PPP1R16A: variants seen among roughly 807,000 people sequenced by gnomAD.
PPP1R16A encodes protein phosphatase 1 regulatory subunit 16A.
A neutral mutation model predicts 46.6 loss-of-function variants in PPP1R16A; 39 were observed. The observed-to-expected ratio is 0.84, with a 90% CI of 0.65 to 1.09. The LOEUF is 1.09. Among genes scored for constraint, PPP1R16A ranks in the 50% least tolerant of loss-of-function variants. The pLI, the probability that PPP1R16A is intolerant of heterozygous loss-of-function variation, is 0.00. For synonymous variants in PPP1R16A, 413 were observed against 321.5 expected, an observed-to-expected ratio of 1.28 and a Z score of -3.04; for missense variants, 798 against 735.6, an observed-to-expected ratio of 1.08 and a Z score of -0.98.
At position 144,500,667 on chromosome 8, in the gene PPP1R16A, T is replaced by TCCGG. The variant is rs529361468; in HGVS notation, c.832-16_832-13dup. The TCCGG allele has an allele frequency of 2.0e-3, 3,266 of 1,608,464 alleles. 61 individuals carry two copies. In the African/African-American group the frequency reaches 0.04, roughly 20 times the overall value. Reference sequence around the variant, plus strand: ...GGCTTCCAGCGCAGCAGTCTGCAGCTCCGGCCTGCCGTCCACAGGTGCCCC... The same window carrying TCCGG: ...GGCTTCCAGCGCAGCAGTCTGCAGCTCCGGCCGGCCTGCCGTCCACAGGTGCCCC... On this transcript the variant is annotated intron_variant, in intron 8 of 11. Transcript: ENST00000435887.
At chr8:144,500,455 G>A (rs1371927401) in intron 7 of PPP1R16A, 32 bp from the exon 8 acceptor site, 2 of 1,551,320 alleles carry the variant, frequency 1.3e-6, no homozygotes, top group Non-Finnish European at 1.7e-6. Context: ...GTGGGGGATG[G>A]GGCCGAATTC....
intron 1 of PPP1R16A, among the ~76,000 whole-genome samples, chr8:144,483,551 A>G (rs1415560822): frequency 6.6e-6 from 1 of 152,118 alleles, no homozygotes; most frequent in Non-Finnish European, 1.5e-5. Context: ...CTGAGACTAC[A>G]GGTGCATGCC....
rs1467344052 is a variant in PPP1R16A, at chr8:144,501,671, C to G, written c.1355C>G (p.Ala452Gly). Residue 452 changes from alanine to glycine, a missense_variant, in exon 12 of 12, where the codon GCC (alanine) becomes GGC (glycine). Coordinates refer to ENST00000435887, the MANE Select transcript of PPP1R16A (RefSeq NM_001329443.2). ...TTPHTLVHDK[A>G]HHTLADLKRQ... The stretch of plus-strand genomic sequence containing the variant: ...CCCCACACCCTGGTCCACGACAAGG[C>G]CCACCACACCCTGGCTGACCTGAAG... 2 of 1,609,396 alleles carry G rather than the reference C, an allele frequency of 1.2e-6. No individual in the cohort carries two copies. Among genetic ancestry groups the G allele is most frequent in the Non-Finnish European group, 1.7e-6 (2 of 1,178,538 alleles).
chr8:144,501,731 C>T lies in PPP1R16A; in HGVS notation c.1415C>T (p.Pro472Leu), dbSNP rs779423053. The T allele has an allele frequency of 1.1e-5, 18 of 1,585,376 alleles. No individual in the cohort carries two copies. In the Admixed American group the frequency reaches 1.2e-4, roughly 11 times the overall value. The stretch of plus-strand genomic sequence containing the variant: ...GCTGCTGCCAAGCTGCAGCGACCCC[C>T]ACCTGAGGGGCCCGAGAGCCCTGAG... ...QRAAAKLQRPPPEGPESPETA... is the reference protein window; with the variant it reads ...QRAAAKLQRPLPEGPESPETA... Residue 472 changes from proline to leucine, a missense_variant, in exon 12 of 12, where the codon CCA becomes CTA. Transcript: ENST00000435887.
chr8:144,499,167 G>C (rs1392978901), intron 5 of PPP1R16A, 106 bp downstream of exon 5: 2 of 1,362,742 alleles, frequency 1.5e-6, no homozygotes, highest in Non-Finnish European at 1.9e-6. Context: ...CTGTGTTCCC[G>C]CCTTCACCTT....
At chr8:144,489,767 C>T (rs990080539) in intron 1 of PPP1R16A, among the ~76,000 whole-genome samples, 5 of 152,210 alleles carry the variant, frequency 3.3e-5, no homozygotes. Flanking sequence ...TGTCCCTCCC[C>T]AGGGCGCAGC....
Position 144,501,938 on chromosome 8 carries a change from G to A in PPP1R16A, c.*35G>A, listed in dbSNP as rs1826533305. Reference sequence around the variant, plus strand: ...TCAGCATGCAGGGGCCCTGTCGCGGGCACAGCCCAAGGCTGCCTCCCCACG... The same window carrying A: ...TCAGCATGCAGGGGCCCTGTCGCGGACACAGCCCAAGGCTGCCTCCCCACG... On this transcript the variant is annotated 3_prime_UTR_variant, in exon 12 of 12. Coordinates refer to ENST00000435887, the MANE Select transcript of PPP1R16A (RefSeq NM_001329443.2). The A allele has an allele frequency of 2.7e-6, 4 of 1,482,792 alleles. No homozygotes were observed. The highest frequency in any genetic ancestry group is 2.7e-6 in the Non-Finnish European group (3 of 1,118,248). 91.9% of individuals were successfully genotyped at this position (1,482,792 alleles called of 1,614,324 possible). A position where few individuals can be genotyped will look rare whatever the true frequency, so the allele number is the denominator to read the frequency against.
At chr8:144,499,873 G>C (rs1826320504) in intron 5 of PPP1R16A, 2 of 549,206 alleles carry the variant, frequency 3.6e-6, no homozygotes, top group African/African-American at 3.8e-5. Context: ...CCAGGAACCT[G>C]GATCCCTGGA....
Position 144,496,951 on chromosome 8 carries a change from CTGGGGAGCAGGTT to C in PPP1R16A, c.-238_-226del. ...TGCTTGTCGACAGCTAGAGGCTGGC[CTGGGGAGCAGGTT>C]TGGGGTGCCCTCCCACACTGCCCTC... On this transcript the variant is annotated 5_prime_UTR_variant, in exon 3 of 12. Transcript: ENST00000435887. 1 of 595,414 alleles carries C rather than the reference CTGGGGAGCAGGTT, an allele frequency of 1.7e-6. No individual in the cohort carries two copies. The allele number at this position is 595,414 out of a possible 1,614,324, so 36.9% of individuals were successfully genotyped here. A position where few individuals can be genotyped will look rare whatever the true frequency, so the allele number is the denominator to read the frequency against.
At position 144,498,837 on chromosome 8, in the gene PPP1R16A, C is replaced by T. The variant is rs1203730459; in HGVS notation, c.327C>T (p.His109=). 3 of 1,610,126 alleles carry T rather than the reference C, an allele frequency of 1.9e-6. No homozygotes were observed. The highest frequency in any genetic ancestry group is 2.5e-6 in the Non-Finnish European group (3 of 1,177,762). ...LANEDGLTAL[H]QCCIDDFREM... is the part of the protein sequence containing the mutation. ...ACGAGGACGGCCTGACGGCCCTGCA[C>T]CAGGTCAGCCTGCACTGGGTGTGGG... is the stretch of plus-strand genomic sequence containing the variant. The change falls in exon 4 of 12, where the codon CAC becomes CAT. Residue 109 remains histidine (H), a synonymous_variant. Transcript: ENST00000435887.
intron 2 of PPP1R16A, among the ~76,000 whole-genome samples, chr8:144,494,985 G>T (rs915601877): frequency 2.0e-5 from 3 of 152,312 alleles, no homozygotes; most frequent in Admixed American, 2.0e-4. Context: ...AGGGTGTCTG[G>T]CCAGTGTGTG....
chr8:144,501,570 C>G lies in PPP1R16A; in HGVS notation c.1254C>G (p.Ser418=). ...VRPHNGRVGG[S]PVRHLYSKRL... ...CGCACAATGGCCGAGTAGGGGGCTC[C>G]CCAGTGCGGCATCTATACTCCAAGC... Residue 418 remains serine (S), a synonymous_variant, in exon 12 of 12, where the codon TCC becomes TCG. Transcript: ENST00000435887. 6.3e-7 allele frequency: 1 copy of G among 1,595,032 alleles called. No homozygotes were observed. Among genetic ancestry groups the G allele is most frequent in the Non-Finnish European group, 8.5e-7 (1 of 1,171,610 alleles).
chr8:144,501,484 G>A (rs1826472698), intron 11 of PPP1R16A, 36 bp from the exon 12 acceptor site: 1 of 1,496,874 alleles, frequency 6.7e-7, no homozygotes, highest in Non-Finnish European at 8.9e-7. Flanking sequence ...GGGGGGAGGA[G>A]CCTCCTGATG....
rs561652214 is a variant in PPP1R16A at position 144,492,603 on chromosome 8, G to A, written c.-735+2391G>A. Among the ~76,000 whole-genome samples the A allele has an allele frequency of 6.6e-5, 10 of 152,240 alleles. No individual in the cohort carries two copies. The East Asian group carries it at 1.9e-3, about 29-fold the overall frequency. ...GCCCACCTCGGCCTCCCAAAGTGCT[G>A]GGATTACAGGCGTGAGCCACTGTGC... is the stretch of plus-strand genomic sequence containing the variant. On this transcript the variant is annotated intron_variant, in intron 2 of 11. Transcript: ENST00000435887.
intron 10 of PPP1R16A, 31 bp downstream of exon 10, chr8:144,501,002 G>A: frequency 1.4e-6 from 2 of 1,437,808 alleles, no homozygotes; most frequent in Non-Finnish European, 1.8e-6. Context: ...GCCCCGCCCC[G>A]GGCTTGGCCC....
At position 144,500,989 on chromosome 8, in the gene PPP1R16A, C is replaced by T. The variant is rs1205211545; in HGVS notation, c.1037+18C>T. On this transcript the variant is annotated intron_variant, in intron 10 of 11. Transcript: ENST00000435887. Reference sequence around the variant, plus strand: ...AGCCGCGGGTGAGCGCCGCCCCCAGCAGGCCCCGCCCCGGGCTTGGCCCCG... The same window carrying T: ...AGCCGCGGGTGAGCGCCGCCCCCAGTAGGCCCCGCCCCGGGCTTGGCCCCG... 4.2e-6 allele frequency: 6 copies of T among 1,432,768 alleles called. No individual in the cohort carries two copies. The highest frequency in any genetic ancestry group is 2.2e-4 in the Middle Eastern group (1 of 4,622). The allele number at this position is 1,432,768 out of a possible 1,614,324, so 88.8% of individuals were successfully genotyped here.
chr8:144,495,089 C>G (rs1197033044), intron 2 of PPP1R16A, among the ~76,000 whole-genome samples: 1 of 152,188 alleles, frequency 6.6e-6, no homozygotes, highest in African/African-American at 2.4e-5. Flanking sequence ...CTTTACTTGG[C>G]AGGCAGAAAG....
chr8:144,485,382 G>A (rs574232416), intron 1 of PPP1R16A, among the ~76,000 whole-genome samples: 1 of 151,960 alleles, frequency 6.6e-6, no homozygotes, highest in South Asian at 2.1e-4. Flanking sequence ...AAATTAGCCA[G>A]GCGTGGTGGC....
At chr8:144,488,687 G>C (rs973090813) in intron 1 of PPP1R16A, among the ~76,000 whole-genome samples, 1 of 152,148 alleles carries the variant, frequency 6.6e-6, no homozygotes, top group African/African-American at 2.4e-5. Context: ...GCAACGATGG[G>C]CGGGGGTGAA....
Sources: gnomAD v4.1 joint callset for allele counts (sites outside exome capture counted in the v4.1 genomes callset) on GRCh38, gnomAD v4.1.1 for gene constraint, MANE v1.5 for transcripts, NCBI Gene and HGNC (gene_info 2026-07-23, HGNC 2026-07-21) for gene names.